CNTNAP5: variants seen among roughly 807,000 people sequenced by gnomAD.
The protein encoded by CNTNAP5 is contactin associated protein family member 5, also known as contactin-associated protein-like 5.
In CNTNAP5, 72 loss-of-function variants were observed where a neutral mutation model predicts 150.2. The ratio of observed to expected loss-of-function variants is 0.48; its 90% CI spans 0.40 to 0.58. The LOEUF (loss-of-function observed/expected upper bound fraction) is 0.58. CNTNAP5 is among the 20% of genes least tolerant of loss of function. The pLI is 0.00. For synonymous variants in CNTNAP5, 672 were observed against 619.8 expected (o/e 1.08, Z -1.25); for missense variants, 1,636 against 1,626.2 (o/e 1.01, Z -0.10).
Position 124,785,647 on chromosome 2 carries a change from G to C in CNTNAP5, c.2753-4255G>C, listed in dbSNP as rs1453829158. 3.3e-5 allele frequency among the ~76,000 whole-genome samples: 5 copies of C among 152,288 alleles called. No individual in the cohort carries two copies. In the East Asian group the frequency reaches 9.7e-4, roughly 29 times the overall value. On this transcript the variant is annotated intron_variant, in intron 17 of 23. Coordinates refer to ENST00000682447, the MANE Select transcript of CNTNAP5 (RefSeq NM_001367498.1). ...AGCCACAAGTGGTTCGGAATGCTTGGTGCACTGAAGTCAGTGCAGGAAGTG... is the reference window on the plus strand; with the variant it reads ...AGCCACAAGTGGTTCGGAATGCTTGCTGCACTGAAGTCAGTGCAGGAAGTG...
chr2:124,241,667 G>A (rs952515949), intron 2 of CNTNAP5, among the ~76,000 whole-genome samples: 11 of 152,120 alleles, frequency 7.2e-5, no homozygotes, highest in Admixed American at 7.2e-4. Flanking sequence ...CTCTTCAAAG[G>A]CATAGTCGGT....
At chr2:124,565,956 T>G (rs1696015790) in intron 11 of CNTNAP5, among the ~76,000 whole-genome samples, 1 of 151,632 alleles carries the variant, frequency 6.6e-6, no homozygotes, top group Admixed American at 6.6e-5. Flanking sequence ...GGGATCCTTT[T>G]TTTTTTTTTG....
intron 23 of CNTNAP5, 72 bp downstream of exon 23, chr2:124,911,610 CT>C: frequency 7.9e-7 from 1 of 1,266,454 alleles, no homozygotes. Flanking sequence ...TTATCTGAAG[CT>C]TTCCTTAATT....
chr2:124,104,749 C>T (rs1275504784), intron 1 of CNTNAP5, among the ~76,000 whole-genome samples: 1 of 152,156 alleles, frequency 6.6e-6, no homozygotes, highest in African/African-American at 2.4e-5. Flanking sequence ...AGCTTTAGAA[C>T]TTACACACAA....
chr2:124,044,375 C>T (rs1211038685), intron 1 of CNTNAP5, among the ~76,000 whole-genome samples: 1 of 152,148 alleles, frequency 6.6e-6, no homozygotes, highest in Non-Finnish European at 1.5e-5. Flanking sequence ...AGTACTGTGT[C>T]CTTTACGCTG....
chr2:124,110,230 T>C (rs754409892), intron 1 of CNTNAP5, among the ~76,000 whole-genome samples: 42 of 152,340 alleles, frequency 2.8e-4, no homozygotes, highest in Non-Finnish European at 5.0e-4. Context: ...TTGTTATGTA[T>C]GGACTGCTCC....
chr2:124,405,504 A>G (rs1691548259), intron 3 of CNTNAP5, among the ~76,000 whole-genome samples: 1 of 152,220 alleles, frequency 6.6e-6, no homozygotes, highest in Admixed American at 6.5e-5. Context: ...CTAGACTCTC[A>G]TCAGAATCTC....
chr2:124,082,209 C>T (rs956616956), intron 1 of CNTNAP5, among the ~76,000 whole-genome samples: 3 of 151,866 alleles, frequency 2.0e-5, no homozygotes, highest in Admixed American at 6.6e-5. Context: ...ATTAGCCAGG[C>T]GTGGTGGCAG....
intron 1 of CNTNAP5, among the ~76,000 whole-genome samples, chr2:124,121,978 T>A (rs868995): frequency 6.6e-6 from 1 of 152,112 alleles, no homozygotes; most frequent in African/African-American, 2.4e-5. Flanking sequence ...TGTTCATTTT[T>A]CCTCCTCAGC....
intron 13 of CNTNAP5, among the ~76,000 whole-genome samples, chr2:124,662,607 G>A (rs1238601020): frequency 2.6e-5 from 4 of 152,218 alleles, no homozygotes; most frequent in African/African-American, 7.2e-5. Context: ...CTTACACAAA[G>A]GATGGGATTC....
At chr2:124,589,243 A>G (rs1028700643) in intron 11 of CNTNAP5, among the ~76,000 whole-genome samples, 2 of 152,056 alleles carry the variant, frequency 1.3e-5, no homozygotes, top group Non-Finnish European at 2.9e-5. Context: ...TTCTGTCTCT[A>G]TAGGCTTGTC....
intron 3 of CNTNAP5, among the ~76,000 whole-genome samples, chr2:124,317,620 GC>G (rs1218222214): frequency 1.3e-5 from 2 of 151,742 alleles, no homozygotes; most frequent in African/African-American, 4.8e-5. Flanking sequence ...CACTTTTTCT[GC>G]TTTAATAATT....
At chr2:124,219,853 C>T (rs1348127229) in intron 1 of CNTNAP5, among the ~76,000 whole-genome samples, 2 of 152,000 alleles carry the variant, frequency 1.3e-5, no homozygotes, top group East Asian at 3.9e-4. Flanking sequence ...TGGTAGTGAT[C>T]TGCTTTCTGT....
chr2:124,299,844 T>A (rs2901264), intron 3 of CNTNAP5, among the ~76,000 whole-genome samples: 6 of 151,964 alleles, frequency 3.9e-5, no homozygotes, highest in Non-Finnish European at 7.4e-5. Flanking sequence ...CTGGAATGCC[T>A]GGTGTCTGAG....
At chr2:124,647,236 A>G (rs925501660) in intron 12 of CNTNAP5, among the ~76,000 whole-genome samples, 3 of 152,228 alleles carry the variant, frequency 2.0e-5, no homozygotes, top group Non-Finnish European at 4.4e-5. Flanking sequence ...ACAAAACCCT[A>G]CAATTAACTT....
In CNTNAP5 at chr2:124,763,991, G is replaced by C. The variant is rs1425252476; in HGVS notation, c.2377G>C (p.Ala793Pro). Residue 793 changes from alanine (A) to proline (P), a missense_variant, in exon 16 of 24, where the codon GCC becomes CCC. By Grantham distance (27) the Ala-to-Pro change is conservative. Transcript: ENST00000682447. ...CTCATTTGCAGGACGCTTCTGGAAC[G>C]CCGTCTCATTTTATACAGAAGCCTC... ...RCYGDRRFWN[A>P]VSFYTEASYL... 2 of 1,610,754 alleles carry C rather than the reference G, an allele frequency of 1.2e-6. No individual in the cohort carries two copies. The highest frequency in any genetic ancestry group is 4.5e-5 in the East Asian group (2 of 44,856).
intron 9 of CNTNAP5, among the ~76,000 whole-genome samples, chr2:124,526,702 AC>A (rs1268870728): frequency 6.6e-6 from 1 of 152,160 alleles, no homozygotes; most frequent in Non-Finnish European, 1.5e-5. Context: ...ATGCATTTAA[AC>A]CCTTAGTTCC....
chr2:124,845,297 T>G (rs1459986042), intron 19 of CNTNAP5, among the ~76,000 whole-genome samples: 1 of 152,132 alleles, frequency 6.6e-6, no homozygotes, highest in Non-Finnish European at 1.5e-5. Context: ...GACTTATGTC[T>G]GTTAAACCAT....
intron 7 of CNTNAP5, among the ~76,000 whole-genome samples, chr2:124,496,906 G>A (rs928657531): frequency 8.6e-5 from 13 of 152,038 alleles, no homozygotes; most frequent in South Asian, 2.1e-4. Context: ...CCTTTCAGTC[G>A]TAGCCTATCC....
Sources: gnomAD v4.1 joint callset for allele counts (sites outside exome capture counted in the v4.1 genomes callset) on GRCh38, gnomAD v4.1.1 for gene constraint, MANE v1.5 for transcripts, NCBI Gene and HGNC (gene_info 2026-07-23, HGNC 2026-07-21) for gene names.